Variants in GMDS observed in about 807,000 individuals in gnomAD.
GMDS encodes the protein GDP-mannose 4,6 dehydratase.
In GMDS, 20 loss-of-function variants were observed where a neutral mutation model predicts 49.9. The ratio of observed to expected loss-of-function variants is 0.40; its 90% CI spans 0.28 to 0.58. The LOEUF (loss-of-function observed/expected upper bound fraction) is 0.58. GMDS is among the 20% of genes least tolerant of loss of function. The pLI is 0.42. For missense variants in GMDS, 362 were observed against 481.4 expected (o/e 0.75, Z 2.32); for synonymous variants, 177 against 178.6 (o/e 0.99, Z 0.07).
At chr6:1,699,224 G>A (rs187128569) in intron 9 of GMDS, among the ~76,000 whole-genome samples, 38 of 152,208 alleles carry the variant, frequency 2.5e-4, no homozygotes, top group African/African-American at 8.4e-4. Context: ...ATCAGGCTGC[G>A]GAAATGAGCT....
rs139214632 is a variant in GMDS, at chr6:1,767,000, T to C, written c.772-24414A>G. ...AAACCTTCCTCTCACACCACAGCTG[T>C]AGGGCACACTGAACTTTATTCTGTT... On this transcript the variant is annotated intron_variant, in intron 7 of 10. Transcript: ENST00000380815. The surrounding 1 kb of genome is among the most constrained non-coding windows in gnomAD (Gnocchi z 4.5). 2.6e-3 allele frequency among the ~76,000 whole-genome samples: 402 copies of C among 152,324 alleles called. No individual in the cohort carries two copies. Among genetic ancestry groups the C allele is most frequent in the African/African-American group, 8.6e-3 (356 of 41,558 alleles).
At chr6:1,966,170 T>G (rs1241254061) in intron 4 of GMDS, among the ~76,000 whole-genome samples, 3 of 152,152 alleles carry the variant, frequency 2.0e-5, no homozygotes, top group Non-Finnish European at 4.4e-5. Flanking sequence ...AAACCATAGT[T>G]ATAACTGGGA....
At position 2,154,862 on chromosome 6, in the gene GMDS, G is replaced by GAAAAAAAAAAAA. The variant is rs1562103386; in HGVS notation, c.103-30132_103-30131insTTTTTTTTTTTT. Among the ~76,000 whole-genome samples, 27 of 33,820 alleles carry GAAAAAAAAAAAA rather than the reference G, an allele frequency of 8.0e-4. 1 individual carries two copies. The highest frequency in any genetic ancestry group is 1.8e-3 in the African/African-American group (24 of 13,194). 22.2% of individuals were successfully genotyped at this position (33,820 alleles called of 152,430 possible). On this transcript the variant is annotated intron_variant, in intron 1 of 10. Coordinates refer to ENST00000380815, the MANE Select transcript of GMDS (RefSeq NM_001500.4). Reference sequence around the variant, plus strand: ...AACAAAAGCCTCTTATTGAAGAGATGCAAAAAAAAAAAAAAAAAAAAAAAG... The same window carrying GAAAAAAAAAAAA: ...AACAAAAGCCTCTTATTGAAGAGATGAAAAAAAAAAAACAAAAAAAAAAAAAAAAAAAAAAAG...
At chr6:1,795,014 G>A (rs1475006800) in intron 7 of GMDS, among the ~76,000 whole-genome samples, 2 of 151,954 alleles carry the variant, frequency 1.3e-5, no homozygotes, top group Non-Finnish European at 2.9e-5. Flanking sequence ...ACATAGCGAA[G>A]CCCCATCTCT....
intron 9 of GMDS, among the ~76,000 whole-genome samples, chr6:1,658,789 C>T (rs1713293279): frequency 6.6e-6 from 1 of 152,250 alleles, no homozygotes; most frequent in Non-Finnish European, 1.5e-5. Context: ...AACATTCTGA[C>T]TATTGTCACC....
chr6:2,085,745 C>T (rs553475572), intron 4 of GMDS, among the ~76,000 whole-genome samples: 1 of 152,262 alleles, frequency 6.6e-6, no homozygotes, highest in East Asian at 1.9e-4. Context: ...CCAGGCTGGT[C>T]TCAAACTCCT....
chr6:1,636,170 G>A (rs1038769602), intron 9 of GMDS, among the ~76,000 whole-genome samples: 1 of 152,182 alleles, frequency 6.6e-6, no homozygotes, highest in Non-Finnish European at 1.5e-5. Context: ...GAAACCACCA[G>A]CAGGAACCTC....
intron 1 of GMDS, among the ~76,000 whole-genome samples, chr6:2,156,117 T>A (rs990105693): frequency 2.6e-4 from 39 of 152,314 alleles, no homozygotes; most frequent in Middle Eastern, 3.4e-3. Flanking sequence ...TAGTGTTTTC[T>A]TGCTTTAAAT....
chr6:1,921,635 T>C (rs932838548), intron 7 of GMDS, among the ~76,000 whole-genome samples: 3 of 152,228 alleles, frequency 2.0e-5, no homozygotes, highest in Non-Finnish European at 4.4e-5. Context: ...CTAAACATTT[T>C]ATGTTTCAAA....
At chr6:1,661,159 G>A (rs1323943144) in intron 9 of GMDS, among the ~76,000 whole-genome samples, 1 of 152,130 alleles carries the variant, frequency 6.6e-6, no homozygotes, top group African/African-American at 2.4e-5. Context: ...ACGGAGCGCT[G>A]TAACTGGCCT....
chr6:1,762,416 T>C (rs1768195697), intron 7 of GMDS, among the ~76,000 whole-genome samples: 1 of 152,236 alleles, frequency 6.6e-6, no homozygotes, highest in Non-Finnish European at 1.5e-5. Flanking sequence ...GTCCCAGAGC[T>C]GGCTGCCAGG....
At chr6:2,038,948 A>G in intron 4 of GMDS, among the ~76,000 whole-genome samples, 1 of 152,226 alleles carries the variant, frequency 6.6e-6, no homozygotes, top group Non-Finnish European at 1.5e-5. Flanking sequence ...ACAGCCATGT[A>G]TCACATAACA....
At chr6:1,729,074 A>G (rs933910615) in intron 8 of GMDS, among the ~76,000 whole-genome samples, 53 of 152,190 alleles carry the variant, frequency 3.5e-4, no homozygotes, top group African/African-American at 1.3e-3. Context: ...CCTCACCCTC[A>G]GCTGAAGGAA....
At chr6:2,067,728 C>T (rs1771704406) in intron 4 of GMDS, among the ~76,000 whole-genome samples, 1 of 152,138 alleles carries the variant, frequency 6.6e-6, no homozygotes, top group Admixed American at 6.5e-5. Flanking sequence ...GAAGTTGAAT[C>T]TCTGAATAGA....
intron 7 of GMDS, among the ~76,000 whole-genome samples, chr6:1,789,469 A>G (rs1472631682): frequency 6.6e-6 from 1 of 152,166 alleles, no homozygotes; most frequent in Non-Finnish European, 1.5e-5. Flanking sequence ...GACAAAGGCC[A>G]AATTCTTTAT....
chr6:2,245,145 C>G (rs1781804182), intron 1 of GMDS, among the ~76,000 whole-genome samples, 176 bp downstream of exon 1: 2 of 152,250 alleles, frequency 1.3e-5, no homozygotes, highest in Non-Finnish European at 2.9e-5. Flanking sequence ...CCCGCACACC[C>G]CACACGCAAC....
intron 4 of GMDS, among the ~76,000 whole-genome samples, chr6:2,112,439 T>C (rs904520603): frequency 2.0e-5 from 3 of 152,058 alleles, no homozygotes; most frequent in African/African-American, 7.3e-5. Flanking sequence ...GAACAAGGGT[T>C]CTCAAAGTGC....
At chr6:1,831,113 G>C (rs909314000) in intron 7 of GMDS, among the ~76,000 whole-genome samples, 1 of 152,222 alleles carries the variant, frequency 6.6e-6, no homozygotes, top group Non-Finnish European at 1.5e-5. Flanking sequence ...ATTGTTTCCT[G>C]ATTGGCTACA....
At position 1,844,774 on chromosome 6, in the gene GMDS, C is replaced by T. The variant is rs79580107; in HGVS notation, c.771+85329G>A. Among the ~76,000 whole-genome samples the T allele has an allele frequency of 4.7e-3, 718 of 152,284 alleles. 8 individuals are homozygous for T. The highest frequency in any genetic ancestry group is 0.016 in the African/African-American group (676 of 41,562). On this transcript the variant is annotated intron_variant, in intron 7 of 10. Coordinates refer to ENST00000380815, the MANE Select transcript of GMDS (RefSeq NM_001500.4). ...GACATTAACAGATGAAAGTGCATCT[C>T]GAAATGACTTTTGGCTCAAGAACAA... is the stretch of plus-strand genomic sequence containing the variant.
Sources: gnomAD v4.1 joint callset for allele counts (sites outside exome capture counted in the v4.1 genomes callset) on GRCh38, gnomAD v4.1.1 for gene constraint, Gnocchi (gnomAD v3.1) non-coding constraint, MANE v1.5 for transcripts, NCBI Gene and HGNC (gene_info 2026-07-23, HGNC 2026-07-21) for gene names.